TENM1: variants seen among roughly 807,000 people sequenced by gnomAD.
TENM1 encodes teneurin transmembrane protein 1, also known as teneurin-1.
Under a neutral mutation model 174.8 loss-of-function variants are expected in TENM1, and 35 were observed. The ratio of observed to expected loss-of-function variants is 0.20; its 90% CI spans 0.15 to 0.27. TENM1 has a LOEUF of 0.27. Among genes scored for constraint, TENM1 ranks in the 10% least tolerant of loss-of-function variants. The pLI is 1.00. For synonymous variants in TENM1, 781 were observed against 798.7 expected, an observed-to-expected ratio of 0.98 and a Z score of 0.37; for missense variants, 1,633 against 2,130.1, an observed-to-expected ratio of 0.77 and a Z score of 4.59.
chrX:125,133,279 G>C, the TENM1 span, among the ~76,000 whole-genome samples: 4 of 112,037 alleles, frequency 3.6e-5, no homozygotes, highest in Admixed American at 9.5e-5. Flanking sequence ...AGGGATTACA[G>C]GCGTGAGCCA....
rs202244902 is a variant in TENM1, at chrX:124,459,886, A to AAAAC, written c.3950-6399_3950-6396dup. On this transcript the variant is annotated intron_variant, in intron 22 of 31. Coordinates refer to ENST00000422452, the Ensembl canonical transcript of TENM1. Reference sequence around the variant, plus strand: ...TTAAACAAATTTACAAGAAAAGAAAAAAACAAACAACCCCATTAATAAGTG... The same window carrying AAAAC: ...TTAAACAAATTTACAAGAAAAGAAAAAAACAAACAAACAACCCCATTAATAAGTG... Among the ~76,000 whole-genome samples the AAAAC allele has an allele frequency of 3.6e-5, 4 of 112,089 alleles. No homozygotes were observed. In the South Asian group the frequency reaches 1.5e-3, roughly 42 times the overall value.
At chrX:124,571,957 AT>A (rs1171471978) in intron 11 of TENM1, among the ~76,000 whole-genome samples, 7,094 of 102,555 alleles carry the variant, frequency 0.069, 328 homozygotes, top group African/African-American at 0.16. Flanking sequence ...GGAGAAAATG[AT>A]TTTTTTTTTT....
intron 1 of TENM1, among the ~76,000 whole-genome samples, chrX:124,900,262 ACT>A (rs2057635875): frequency 8.9e-6 from 1 of 111,976 alleles, no homozygotes; most frequent in African/African-American, 3.3e-5. Flanking sequence ...CTTCAAAATG[ACT>A]CTGCTAAGTG....
chrX:124,664,679 GGT>G (rs576286188), intron 6 of TENM1, among the ~76,000 whole-genome samples: 26,322 of 86,603 alleles, frequency 0.3, 3,652 homozygotes, highest in East Asian at 0.49. Context: ...GTACTTGTGG[GGT>G]GTGTGTGTGT....
At chrX:124,977,081 A>G in the TENM1 span, among the ~76,000 whole-genome samples, 1 of 111,948 alleles carries the variant, frequency 8.9e-6, no homozygotes, top group African/African-American at 3.2e-5. Flanking sequence ...GGAGTCAGGA[A>G]GTCTGAGCTT....
At chrX:124,385,588 T>C in intron 29 of TENM1, 89 bp downstream of exon 32, 3 of 897,951 alleles carry the variant, frequency 3.3e-6, no homozygotes, top group Non-Finnish European at 4.6e-6. Context: ...GTGTGTAGAT[T>C]AATGCTTCTA....
intron 5 of TENM1, among the ~76,000 whole-genome samples, chrX:124,680,698 A>C (rs2052213465): frequency 8.9e-6 from 1 of 111,945 alleles, no homozygotes; most frequent in Admixed American, 9.5e-5. Flanking sequence ...ATAACGTAGC[A>C]AAAATATAAA....
chrX:124,416,157 A>G (rs776168495), intron 25 of TENM1, among the ~76,000 whole-genome samples: 4 of 111,679 alleles, frequency 3.6e-5, no homozygotes, highest in African/African-American at 1.3e-4. Context: ...AGTGACTTAC[A>G]GTACATTTGC....
At chrX:124,984,626 T>C in the TENM1 span, among the ~76,000 whole-genome samples, 1 of 111,485 alleles carries the variant, frequency 9.0e-6, no homozygotes, top group South Asian at 3.8e-4. Flanking sequence ...GAGACAGAAT[T>C]GGCCTAAATC....
intron 1 of TENM1, among the ~76,000 whole-genome samples, chrX:124,902,984 T>C (rs749925791): frequency 8.9e-6 from 1 of 111,905 alleles, no homozygotes; most frequent in African/African-American, 3.2e-5. Flanking sequence ...TGTCTAAACC[T>C]GACTTTTATT....
At chrX:125,154,929 A>G in the TENM1 span, among the ~76,000 whole-genome samples, 2 of 111,444 alleles carry the variant, frequency 1.8e-5, no homozygotes, top group African/African-American at 6.5e-5. Context: ...GGCAGTGTGG[A>G]CCCAAAGAGT....
chrX:124,584,937 G>A (rs2049452637), intron 11 of TENM1, among the ~76,000 whole-genome samples: 1 of 109,739 alleles, frequency 9.1e-6, no homozygotes, highest in Non-Finnish European at 1.9e-5. Flanking sequence ...AAGAGACAAA[G>A]AAGGCCATTA....
At chrX:124,659,378 T>C (rs1353365960) in intron 6 of TENM1, among the ~76,000 whole-genome samples, 4 of 112,069 alleles carry the variant, frequency 3.6e-5, no homozygotes, top group African/African-American at 1.3e-4. Flanking sequence ...CCATTTGTAA[T>C]ATCATTAAAA....
chrX:125,133,166 T>C, the TENM1 span, among the ~76,000 whole-genome samples: 1 of 110,400 alleles, frequency 9.1e-6, no homozygotes, highest in South Asian at 3.9e-4. Flanking sequence ...GCTAATTTTT[T>C]TGTATTTTTA....
chrX:124,818,755 G>C (rs1397807430), intron 3 of TENM1, among the ~76,000 whole-genome samples: 1 of 111,580 alleles, frequency 9.0e-6, no homozygotes, highest in Non-Finnish European at 1.9e-5. Flanking sequence ...ATTTGTGGTA[G>C]GATTTGGTTT....
chrX:124,868,427 T>C (rs745373094), intron 3 of TENM1, among the ~76,000 whole-genome samples: 1 of 111,737 alleles, frequency 8.9e-6, no homozygotes, highest in South Asian at 3.7e-4. Flanking sequence ...GATATCCATA[T>C]GCAGAAGAAT....
At chrX:124,689,087 AC>A (rs1286704217) in intron 5 of TENM1, among the ~76,000 whole-genome samples, 1 of 111,625 alleles carries the variant, frequency 9.0e-6, no homozygotes, top group East Asian at 2.8e-4. Context: ...ACACTGAAAT[AC>A]CCTTTTGCCT....
At chrX:124,666,323 T>A (rs1037948610) in intron 6 of TENM1, among the ~76,000 whole-genome samples, 1 of 111,515 alleles carries the variant, frequency 9.0e-6, no homozygotes, top group Non-Finnish European at 1.9e-5. Context: ...GAATTCAGTA[T>A]CCTCAACTAC....
chrX:124,838,816 C>T (rs1391405490), intron 3 of TENM1, among the ~76,000 whole-genome samples: 1 of 111,171 alleles, frequency 9.0e-6, no homozygotes, highest in Non-Finnish European at 1.9e-5. Context: ...TATATACACA[C>T]ATATACATAT....
Sources: allele counts gnomAD v4.1 joint callset (sites outside exome capture counted in the v4.1 genomes callset), GRCh38; gene constraint gnomAD v4.1.1; transcripts MANE v1.5; gene names NCBI Gene and HGNC (gene_info 2026-07-23, HGNC 2026-07-21).